Variants in PACRG observed in about 807,000 individuals in gnomAD.
The protein encoded by PACRG is parkin coregulated gene protein.
PACRG carries 29 observed loss-of-function variants against 29.7 expected under a neutral mutation model. That is an observed-to-expected ratio of 0.98 (90% confidence interval 0.73 to 1.33). PACRG has a LOEUF of 1.33. Among genes scored for constraint, PACRG ranks in the 40% most tolerant of loss-of-function variants. The pLI is 0.00. For missense variants in PACRG, 279 were observed against 316.2 expected (o/e 0.88, Z 0.89); for synonymous variants, 116 against 118.7 (o/e 0.98, Z 0.15).
chr6:163,168,595 A>C (rs2128345550), intron 4 of PACRG, among the ~76,000 whole-genome samples: 1 of 152,230 alleles, frequency 6.6e-6, no homozygotes. Context: ...CTTTCACCAT[A>C]ATTAGTTGAA....
Position 163,127,195 on chromosome 6 carries a change from A to G in PACRG, c.613+37787A>G, listed in dbSNP as rs1816551798. On this transcript the variant is annotated intron_variant, in intron 4 of 4. Coordinates refer to ENST00000366888, the MANE Select transcript of PACRG (RefSeq NM_001080379.2). ...ATTTCCAGAGCTCTGCCCAGCTCTG[A>G]CTCTTTCTCCTGGAGGGTGCAAAAA... Among the ~76,000 whole-genome samples, 6 of 152,250 alleles carry G rather than the reference A, an allele frequency of 3.9e-5. No homozygotes were observed. In the South Asian group the frequency reaches 1.2e-3, roughly 32 times the overall value.
chr6:162,767,069 T>C (rs911812458), intron 1 of PACRG, among the ~76,000 whole-genome samples: 8 of 152,070 alleles, frequency 5.3e-5, no homozygotes, highest in Non-Finnish European at 1.2e-4. Flanking sequence ...GTCTATGATA[T>C]TGTGAAGACA....
At position 163,125,617 on chromosome 6, in the gene PACRG, GA is replaced by G. The variant is rs542987966; in HGVS notation, c.613+36212del. Among the ~76,000 whole-genome samples the G allele has an allele frequency of 3.1e-3, 475 of 152,252 alleles. 3 individuals are homozygous for G. The highest frequency in any genetic ancestry group is 3.4e-3 in the Middle Eastern group (1 of 294). On this transcript the variant is annotated intron_variant, in intron 4 of 4. Coordinates refer to ENST00000366888, the MANE Select transcript of PACRG (RefSeq NM_001080379.2). ...AAGAAGCATAGTCAAAAACAATGAA[GA>G]AATGAGCTACCTCATTAACAGTAAA... is the stretch of plus-strand genomic sequence containing the variant.
chr6:162,823,405 A>T (rs1350915018), intron 2 of PACRG, among the ~76,000 whole-genome samples: 1 of 152,138 alleles, frequency 6.6e-6, no homozygotes, highest in African/African-American at 2.4e-5. Flanking sequence ...AACAAATATT[A>T]CATGTAGATT....
intron 4 of PACRG, among the ~76,000 whole-genome samples, chr6:163,131,872 C>T (rs1346570025): frequency 2.0e-5 from 3 of 152,154 alleles, no homozygotes; most frequent in African/African-American, 7.2e-5. Context: ...CCATAAAATG[C>T]GTTCAATAGG....
chr6:163,077,353 C>T (rs1048621088), intron 3 of PACRG, among the ~76,000 whole-genome samples: 7 of 152,098 alleles, frequency 4.6e-5, no homozygotes, highest in African/African-American at 1.4e-4. Context: ...GGCCATAACA[C>T]GGTGGCTTCA....
intron 4 of PACRG, among the ~76,000 whole-genome samples, chr6:163,274,353 ACATGAACT>A: frequency 6.6e-6 from 1 of 152,318 alleles, no homozygotes; most frequent in Non-Finnish European, 1.5e-5. Context: ...CCTACAAAGG[ACATGAACT>A]CATCCATTTT....
At chr6:162,937,810 C>A (rs1248094570) in intron 2 of PACRG, among the ~76,000 whole-genome samples, 3 of 152,022 alleles carry the variant, frequency 2.0e-5, no homozygotes, top group African/African-American at 7.2e-5. Context: ...AACTTCAAAT[C>A]TAGGAAGTGA....
chr6:162,986,832 A>T (rs1802935516), intron 2 of PACRG, among the ~76,000 whole-genome samples: 1 of 151,798 alleles, frequency 6.6e-6, no homozygotes, highest in Non-Finnish European at 1.5e-5. Flanking sequence ...AGTGCATTTC[A>T]TATTTCTTTA....
intron 4 of PACRG, among the ~76,000 whole-genome samples, chr6:163,256,148 G>A (rs1475365301): frequency 6.6e-6 from 1 of 152,092 alleles, no homozygotes; most frequent in African/African-American, 2.4e-5. Flanking sequence ...CACAGGATAG[G>A]ATGTGTATCT....
intron 2 of PACRG, among the ~76,000 whole-genome samples, chr6:162,823,065 A>G (rs1317638418): frequency 6.6e-6 from 1 of 152,122 alleles, no homozygotes; most frequent in Admixed American, 6.5e-5. Context: ...ATCTTCACAG[A>G]TAATTTTGTG....
intron 2 of PACRG, among the ~76,000 whole-genome samples, chr6:162,871,002 G>T (rs1792758249): frequency 1.3e-5 from 2 of 152,272 alleles, no homozygotes; most frequent in Non-Finnish European, 2.9e-5. Context: ...AGAATGTTAA[G>T]TTTTGGGAGT....
intron 4 of PACRG, among the ~76,000 whole-genome samples, chr6:163,142,100 T>A (rs1305610127): frequency 4.6e-5 from 7 of 152,162 alleles, no homozygotes; most frequent in Non-Finnish European, 5.9e-5. Flanking sequence ...GAAATGAATT[T>A]ATAATTCATA....
intron 4 of PACRG, among the ~76,000 whole-genome samples, chr6:163,251,481 A>C (rs1276898607): frequency 3.3e-5 from 5 of 152,174 alleles, no homozygotes; most frequent in Non-Finnish European, 7.3e-5. Flanking sequence ...ATTCAATCAT[A>C]ATCTTTGGCA....
chr6:163,128,588 G>A (rs1816606282), intron 4 of PACRG, among the ~76,000 whole-genome samples: 1 of 152,186 alleles, frequency 6.6e-6, no homozygotes, highest in African/African-American at 2.4e-5. Context: ...AGTGGTTAGT[G>A]CAGTGATACT....
intron 3 of PACRG, among the ~76,000 whole-genome samples, chr6:163,086,038 G>A (rs1813526143): frequency 6.6e-6 from 1 of 152,220 alleles, no homozygotes; most frequent in South Asian, 2.1e-4. Context: ...CTACATGTTA[G>A]CTACAGGTGC....
At chr6:162,839,302 G>A (rs1453231364) in intron 2 of PACRG, among the ~76,000 whole-genome samples, 1 of 106,256 alleles carries the variant, frequency 9.4e-6, no homozygotes, top group African/African-American at 4.2e-5. Context: ...GTGTGAGATG[G>A]TATCTCATTG....
intron 2 of PACRG, among the ~76,000 whole-genome samples, chr6:163,015,690 T>C (rs1457846181): frequency 3.3e-5 from 5 of 152,302 alleles, no homozygotes; most frequent in African/African-American, 1.2e-4. Flanking sequence ...TTTTATACAT[T>C]GATTTTGTAT....
chr6:163,197,909 G>A (rs1459119965), intron 4 of PACRG, among the ~76,000 whole-genome samples: 4 of 152,172 alleles, frequency 2.6e-5, no homozygotes, highest in Non-Finnish European at 5.9e-5. Flanking sequence ...GTCCATGTCA[G>A]GAGCACAAAA....
Sources: allele counts gnomAD v4.1 joint callset (sites outside exome capture counted in the v4.1 genomes callset), GRCh38; gene constraint gnomAD v4.1.1; transcripts MANE v1.5; gene names NCBI Gene and HGNC (gene_info 2026-07-23, HGNC 2026-07-21).